The following KRT71 variants were observed in gnomAD, a reference collection of about 807,000 sequenced individuals.
KRT71 encodes the protein keratin, type II cytoskeletal 71.
Under a neutral mutation model 46.2 loss-of-function variants are expected in KRT71, and 42 were observed. The observed-to-expected ratio is 0.91, with a 90% CI of 0.71 to 1.18. The LOEUF (loss-of-function observed/expected upper bound fraction) is 1.18. Ranked by LOEUF, KRT71 falls within the 50% of genes most tolerant of loss-of-function variation. The pLI is 0.00. For missense variants in KRT71, 708 were observed against 677.9 expected (o/e 1.04, Z -0.49); for synonymous variants, 292 against 277.8 (o/e 1.05, Z -0.51).
chr12:52,545,558 T>C lies in KRT71; in HGVS notation c.1360+7A>G, dbSNP rs928631340. 2.6e-6 allele frequency: 4 copies of C among 1,541,972 alleles called. No individual in the cohort carries two copies. Among genetic ancestry groups the C allele is most frequent in the South Asian group, 1.1e-5 (1 of 87,574 alleles). ...ACAATTTTAGGTGAAAGTATACAAA[T>C]ACTTACAGATGCTGACAGGGGAGGG... On this transcript the variant is annotated splice_region_variant and intron_variant, in intron 8 of 8. Coordinates refer to ENST00000267119, the MANE Select transcript of KRT71 (RefSeq NM_033448.3).
intron 7 of KRT71, 35 bp from the exon 8 acceptor site, chr12:52,545,634 G>A (rs528559752): frequency 4.5e-5 from 60 of 1,346,122 alleles, no homozygotes; most frequent in Non-Finnish European, 6.2e-5. Context: ...GAGGAGAAGA[G>A]AAGTCATCCA....
rs1161525255 is a variant in KRT71 at position 52,546,296 on chromosome 12, C to T, written c.1315G>A (p.Glu439Lys). The T allele has an allele frequency of 1.2e-6, 2 of 1,614,150 alleles. No homozygotes were observed. The highest frequency in any genetic ancestry group is 1.7e-6 in the Non-Finnish European group (2 of 1,180,018). The change falls in exon 7 of 9, where the codon GAG (glutamate) becomes AAG (lysine). Residue 439 changes from glutamate to lysine, a missense_variant. Transcript: ENST00000267119. ...GCACGCCCCGCCCACCTGCACTCCT[C>T]GCTCTCCAGTAGCTTGCGATAGGTG... ...IATYRKLLES[E>K]ECRMSGEFPS...
intron 1 of KRT71, among the ~76,000 whole-genome samples, chr12:52,551,542 C>T (rs899930119): frequency 3.3e-5 from 5 of 152,220 alleles, no homozygotes; most frequent in Admixed American, 2.0e-4. Flanking sequence ...GCAGCAGGGA[C>T]TCCTCCAGGC....
At position 52,550,167 on chromosome 12, in the gene KRT71, C is replaced by T. The variant is rs1267397177; in HGVS notation, c.518G>A (p.Cys173Tyr). Reference sequence around the variant, plus strand: ...GAGGATGGGCTCCAGGTTGTTCTTGCAGTTGTTCAGGTCCAGCTGCTGCAG... The same window carrying T: ...GAGGATGGGCTCCAGGTTGTTCTTGTAGTTGTTCAGGTCCAGCTGCTGCAG... ...ELLQQLDLNNCKNNLEPILEG... is the reference protein window; with the variant it reads ...ELLQQLDLNNYKNNLEPILEG... Residue 173 changes from cysteine to tyrosine, a missense_variant, in exon 2 of 9, where the codon TGC (cysteine) becomes TAC (tyrosine). By Grantham distance (194) the Cys-to-Tyr change is radical (BLOSUM62 -2). Coordinates refer to ENST00000267119, the MANE Select transcript of KRT71 (RefSeq NM_033448.3). The T allele has an allele frequency of 1.2e-6, 2 of 1,614,208 alleles. No homozygotes were observed. Among genetic ancestry groups the T allele is most frequent in the South Asian group, 1.1e-5 (1 of 91,080 alleles).
intron 3 of KRT71, 112 bp from the exon 4 acceptor site, chr12:52,548,908 T>C: frequency 2.1e-6 from 2 of 966,096 alleles, no homozygotes; most frequent in Admixed American, 3.8e-5. Context: ...CTCTTCACTT[T>C]GCCTTGGGAA....
intron 8 of KRT71, among the ~76,000 whole-genome samples, 181 bp downstream of exon 8, chr12:52,545,384 C>T (rs1328296130): frequency 1.3e-5 from 2 of 152,180 alleles, no homozygotes; most frequent in Non-Finnish European, 2.9e-5. Context: ...ATAAAGGAGG[C>T]CTGGCCTGGG....
At chr12:52,545,932 C>A (rs1447153838) in intron 7 of KRT71, among the ~76,000 whole-genome samples, 2 of 152,078 alleles carry the variant, frequency 1.3e-5, no homozygotes, top group Admixed American at 1.3e-4. Flanking sequence ...CCGGCACACC[C>A]CCAACAAGCT....
Position 52,552,979 on chromosome 12 carries a change from C to T in KRT71, c.99G>A (p.Arg33=). 1.2e-6 allele frequency: 2 copies of T among 1,614,174 alleles called. No individual in the cohort carries two copies. The highest frequency in any genetic ancestry group is 1.7e-6 in the Non-Finnish European group (2 of 1,180,044). Residue 33 remains arginine, a synonymous_variant, in exon 1 of 9, where the codon CGG becomes CGA. Coordinates refer to ENST00000267119, the MANE Select transcript of KRT71 (RefSeq NM_033448.3). ...CCCCACTGAGCCCTTTGCTCCCTGCCCGGAAGGAGGATGAGCTGCCCCCTG... is the reference window on the plus strand; with the variant it reads ...CCCCACTGAGCCCTTTGCTCCCTGCTCGGAAGGAGGATGAGCTGCCCCCTG... ...VLSGGSSSSF[R]AGSKGLSGGF...
At position 52,544,715 on chromosome 12, in the gene KRT71, AC is replaced by A; in HGVS notation, c.1388del (p.Ser463MetfsTer28). The stretch of plus-strand genomic sequence containing the variant: ...CCATGCTGGGCCGGAAGCCATAGAC[AC>A]TGCCGCCACTGGTGCTGCTGATGAT... ...ISIISSTSGG[S>X]VYGFRPSMVS... On this transcript the variant is annotated frameshift_variant, in exon 9 of 9. Transcript: ENST00000267119. LOFTEE classifies it low-confidence loss of function (END_TRUNC). 9 of 1,611,130 alleles carry A rather than the reference AC, an allele frequency of 5.6e-6. No individual in the cohort carries two copies. The highest frequency in any genetic ancestry group is 7.6e-6 in the Non-Finnish European group (9 of 1,179,500).
At position 52,548,187 on chromosome 12, in the gene KRT71, T is replaced by C; in HGVS notation, c.943A>G (p.Ser315Gly). Residue 315 changes from serine (S) to glycine (G), a missense_variant, in exon 5 of 9, where the codon AGT (serine) becomes GGT (glycine). Physicochemically the swap from Ser to Gly is moderately conservative, Grantham distance 56 (BLOSUM62 0). Coordinates refer to ENST00000267119, the MANE Select transcript of KRT71 (RefSeq NM_033448.3). ...RTQYEEIALK[S>G]KAEAEALYQT... ...TACAGGGCCTCAGCCTCGGCCTTAC[T>C]CTTCAAGGCAATCTCCTCATACTGG... is the stretch of plus-strand genomic sequence containing the variant. 6.2e-7 allele frequency: 1 copy of C among 1,614,130 alleles called. No homozygotes were observed. Among genetic ancestry groups the C allele is most frequent in the Non-Finnish European group, 8.5e-7 (1 of 1,179,974 alleles).
chr12:52,552,844 G>A lies in KRT71; in HGVS notation c.234C>T (p.Gly78=). ...GYGFGRGRAS[G]FAGSMFGSVA... ...CACTGCCAAACATGCTTCCAGCAAA[G>A]CCACTGGCCCGGCCCCGGCCAAATC... The change falls in exon 1 of 9, where the codon GGC becomes GGT. Residue 78 remains glycine, a synonymous_variant. Coordinates refer to ENST00000267119, the MANE Select transcript of KRT71 (RefSeq NM_033448.3). 6.2e-7 allele frequency: 1 copy of A among 1,614,236 alleles called. No homozygotes were observed. Among genetic ancestry groups the A allele is most frequent in the Non-Finnish European group, 8.5e-7 (1 of 1,180,044 alleles).
intron 1 of KRT71, among the ~76,000 whole-genome samples, chr12:52,550,942 A>G (rs1348755328): frequency 6.6e-6 from 1 of 152,242 alleles, no homozygotes; most frequent in Non-Finnish European, 1.5e-5. Context: ...CTACATGAGC[A>G]CAGCTACTGC....
intron 1 of KRT71, among the ~76,000 whole-genome samples, chr12:52,552,283 A>T (rs1196114095): frequency 6.6e-6 from 1 of 152,206 alleles, no homozygotes; most frequent in Non-Finnish European, 1.5e-5. Flanking sequence ...CCAGGGGAGG[A>T]GGACAGCTTC....
intron 1 of KRT71, among the ~76,000 whole-genome samples, chr12:52,552,044 G>C (rs985773308): frequency 6.6e-6 from 1 of 152,160 alleles, no homozygotes; most frequent in Non-Finnish European, 1.5e-5. Flanking sequence ...CTCCATTTTA[G>C]AGATGAGGAG....
Position 52,544,569 on chromosome 12 carries a change from G to GA in KRT71, c.1534dup (p.Ser512PhefsTer150). 6.2e-7 allele frequency: 1 copy of GA among 1,614,090 alleles called. No individual in the cohort carries two copies. The highest frequency in any genetic ancestry group is 8.5e-7 in the Non-Finnish European group (1 of 1,179,992). ...TTTCTTGGAGGGTGCACTCAGGCTG[G>GA]AACCCTTCCCTAGGGTGTCTTTGTA... On this transcript the variant is annotated frameshift_variant, in exon 9 of 9. Transcript: ENST00000267119. LOFTEE classifies it high-confidence loss of function.
At chr12:52,544,833 A>G (rs1939033155) in intron 8 of KRT71, 90 bp from the exon 9 acceptor site, 2 of 1,133,112 alleles carry the variant, frequency 1.8e-6, no homozygotes. Flanking sequence ...TTCTTGGAGA[A>G]GCTGAGTGGG....
chr12:52,547,876 A>G lies in KRT71; in HGVS notation c.1085T>C (p.Ile362Thr), dbSNP rs1939083299. Residue 362 changes from isoleucine to threonine, a missense_variant, in exon 6 of 9, where the codon ATC (isoleucine) becomes ACC (threonine). Physicochemically the swap from Ile to Thr is moderately conservative, Grantham distance 89. Transcript: ENST00000267119. ...TCTCACCTGCTTCTTCACGTTCTCGATCTCTGAGCGGATTCTCTGGATGAG... is the reference window on the plus strand; with the variant it reads ...TCTCACCTGCTTCTTCACGTTCTCGGTCTCTGAGCGGATTCTCTGGATGAG... ...TRLIQRIRSE[I>T]ENVKKQASNL... 1 of 1,613,780 alleles carries G rather than the reference A, an allele frequency of 6.2e-7. No individual in the cohort carries two copies. The highest frequency in any genetic ancestry group is 1.3e-5 in the African/African-American group (1 of 74,864).
chr12:52,545,081 T>G (rs1939037072), intron 8 of KRT71, among the ~76,000 whole-genome samples: 1 of 152,220 alleles, frequency 6.6e-6, no homozygotes, highest in African/African-American at 2.4e-5. Context: ...CTCTTCCTCC[T>G]GCTAGCTGTC....
At chr12:52,549,264 C>A in intron 3 of KRT71, 29 bp downstream of exon 3, 1 of 1,594,572 alleles carries the variant, frequency 6.3e-7, no homozygotes, top group Non-Finnish European at 8.6e-7. Context: ...AGGCCAGCCC[C>A]CGGGACTCAG....
Sources: gnomAD v4.1 joint callset for allele counts (sites outside exome capture counted in the v4.1 genomes callset) on GRCh38, gnomAD v4.1.1 for gene constraint, MANE v1.5 for transcripts, NCBI Gene and HGNC (gene_info 2026-07-23, HGNC 2026-07-21) for gene names.